CAPN10: variants seen among roughly 807,000 people sequenced by gnomAD.
The protein encoded by CAPN10 is calpain 10.
A neutral mutation model predicts 78.4 loss-of-function variants in CAPN10; 71 were observed. That is an observed-to-expected ratio of 0.91 (90% confidence interval 0.75 to 1.10). The LOEUF (loss-of-function observed/expected upper bound fraction) is 1.10, where lower values mean the gene tolerates loss of function less well. CAPN10 is among the 50% of genes least tolerant of loss of function. The pLI is 0.00. For synonymous variants in CAPN10, 437 were observed against 407.2 expected, an observed-to-expected ratio of 1.07 and a Z score of -0.88; for missense variants, 849 against 924.6, an observed-to-expected ratio of 0.92 and a Z score of 1.06.
intron 10 of CAPN10, 90 bp from the exon 11 acceptor site, chr2:240,598,262 A>AG (rs1008354051): frequency 2.0e-6 from 3 of 1,503,836 alleles, no homozygotes; most frequent in Non-Finnish European, 2.8e-6. Flanking sequence ...TGAGCCTGGA[A>AG]GGAGAGTCTA....
Position 240,599,027 on chromosome 2 carries a change from C to G in CAPN10, c.*347C>G. ...ACACCCAGAGGGTAGGGCAGCAGAT[C>G]TTCTTTATAACTATTTATTGTTCGA... On this transcript the variant is annotated 3_prime_UTR_variant, in exon 12 of 12. Coordinates refer to ENST00000391984, the MANE Select transcript of CAPN10 (RefSeq NM_023083.4). 1 of 414,962 alleles carries G rather than the reference C, an allele frequency of 2.4e-6. No individual in the cohort carries two copies. 25.7% of individuals were successfully genotyped at this position (414,962 alleles called of 1,614,324 possible). A position where few individuals can be genotyped will look rare whatever the true frequency, so the allele number is the denominator to read the frequency against.
At position 240,589,490 on chromosome 2, in the gene CAPN10, C is replaced by T. The variant is rs758637318; in HGVS notation, c.273+16C>T. The T allele has an allele frequency of 1.2e-6, 2 of 1,603,362 alleles. No homozygotes were observed. Among genetic ancestry groups the T allele is most frequent in the Non-Finnish European group, 1.7e-6 (2 of 1,175,686 alleles). On this transcript the variant is annotated intron_variant, in intron 2 of 11. Coordinates refer to ENST00000391984, the MANE Select transcript of CAPN10 (RefSeq NM_023083.4). ...CCTGGACCAGGTGCGGGGCCCCTTC[C>T]CTGTGTTTGTCCTGGAGCCGGTTTC...
At position 240,594,719 on chromosome 2, in the gene CAPN10, C is replaced by T. The variant is rs766360520; in HGVS notation, c.997+10C>T. The T allele has an allele frequency of 5.0e-6, 8 of 1,609,308 alleles. No individual in the cohort carries two copies. The highest frequency in any genetic ancestry group is 2.2e-5 in the East Asian group (1 of 44,810). On this transcript the variant is annotated intron_variant, in intron 6 of 11. Coordinates refer to ENST00000391984, the MANE Select transcript of CAPN10 (RefSeq NM_023083.4). ...CAGAGCCTCTACACAGGTAGTGCCC[C>T]GAGGGGCTGTGCTGGGCACGTGCTC...
intron 4 of CAPN10, chr2:240,592,489 C>A (rs1456085781): frequency 1.8e-6 from 1 of 543,106 alleles, no homozygotes; most frequent in Non-Finnish European, 3.6e-6. Flanking sequence ...TGATAGATAA[C>A]ATTCGTTAAA....
Position 240,591,974 on chromosome 2 carries a change from C to T in CAPN10, c.512C>T (p.Ala171Val), listed in dbSNP as rs1180541746. ...GAGCACCTGTGGGCCGGGCAGGTGG[C>T]GGATGCCCTGGTGGACCTGACCGGC... Reference protein sequence around the residue: ...SYEHLWAGQVADALVDLTGGL... With the variant: ...SYEHLWAGQVVDALVDLTGGL... The change falls in exon 4 of 12, where the codon GCG becomes GTG. Residue 171 changes from alanine (A) to valine (V), a missense_variant. Coordinates refer to ENST00000391984, the MANE Select transcript of CAPN10 (RefSeq NM_023083.4). The T allele has an allele frequency of 4.3e-6, 7 of 1,613,416 alleles. No homozygotes were observed. Among genetic ancestry groups the T allele is most frequent in the Middle Eastern group, 1.6e-4 (1 of 6,082 alleles).
At chr2:240,595,733 C>T (rs1374496663) in intron 7 of CAPN10, among the ~76,000 whole-genome samples, 2 of 152,266 alleles carry the variant, frequency 1.3e-5, no homozygotes, top group Non-Finnish European at 2.9e-5. Flanking sequence ...GTCTCTTCCC[C>T]TGCAAGACGG....
chr2:240,594,959 C>A (rs2093127121), intron 6 of CAPN10, 65 bp from the exon 7 acceptor site: 2 of 1,552,710 alleles, frequency 1.3e-6, no homozygotes, highest in Non-Finnish European at 1.8e-6. Context: ...GTTCATGAGG[C>A]CACCATGGCG....
intron 1 of CAPN10, among the ~76,000 whole-genome samples, chr2:240,588,418 G>T (rs773515456): frequency 2.0e-5 from 3 of 152,212 alleles, no homozygotes; most frequent in Admixed American, 6.5e-5. Flanking sequence ...TCAGGCAGGT[G>T]CCCTGACAGA....
Position 240,594,135 on chromosome 2 carries a change from G to A in CAPN10, c.830+88G>A, listed in dbSNP as rs2093120632. 4 of 1,384,992 alleles carry A rather than the reference G, an allele frequency of 2.9e-6. No individual in the cohort carries two copies. In the South Asian group the frequency reaches 4.4e-5, roughly 15 times the overall value. The allele number at this position is 1,384,992 out of a possible 1,614,324, so 85.8% of individuals were successfully genotyped here. ...TGTCCTGGTCACCTTCAGCTGTCAG[G>A]ACTGTACTTGGCTGTCTCCAGCAAG... On this transcript the variant is annotated intron_variant, in intron 5 of 11. Coordinates refer to ENST00000391984, the MANE Select transcript of CAPN10 (RefSeq NM_023083.4).
Position 240,596,888 on chromosome 2 carries a change from G to A in CAPN10, c.1689G>A (p.Gln563=). The change falls in exon 9 of 12, where the codon CAG becomes CAA. Residue 563 remains glutamine (Q), a synonymous_variant. Transcript: ENST00000391984. ...GPRCVRITLH[Q]HCRPSDTEFH... is the part of the protein sequence containing the mutation. ...GCTGCGTCCGCATCACTCTGCATCA[G>A]CACTGCCGGCCCAGTGACACCGAGT... 1 of 1,613,550 alleles carries A rather than the reference G, an allele frequency of 6.2e-7. No homozygotes were observed. Among genetic ancestry groups the A allele is most frequent in the Non-Finnish European group, 8.5e-7 (1 of 1,180,016 alleles).
chr2:240,596,604 T>A, intron 8 of CAPN10, 77 bp from the exon 9 acceptor site: 2 of 1,535,476 alleles, frequency 1.3e-6, no homozygotes, highest in Non-Finnish European at 1.8e-6. Context: ...CCCTCTGTGG[T>A]TGGCAGGTGT....
At chr2:240,594,836 C>T in intron 6 of CAPN10, 127 bp downstream of exon 6, 1 of 1,254,820 alleles carries the variant, frequency 8.0e-7, no homozygotes, top group South Asian at 1.4e-5. Context: ...ATGATTCTGT[C>T]CCAGGAGCCG....
intron 7 of CAPN10, chr2:240,595,915 A>G (rs947403049): frequency 7.6e-7 from 1 of 1,323,386 alleles, no homozygotes. Flanking sequence ...CTGGGTTTTC[A>G]TCTTGTGTGT....
Position 240,598,836 on chromosome 2 carries a change from G to C in CAPN10, c.*156G>C. The C allele has an allele frequency of 1.4e-6, 1 of 695,582 alleles. No individual in the cohort carries two copies. The highest frequency in any genetic ancestry group is 1.7e-5 in the South Asian group (1 of 57,592). The allele number at this position is 695,582 out of a possible 1,614,324, so 43.1% of individuals were successfully genotyped here. ...GAGGCTGCGGCCTAGGGGTCCACGG[G>C]AAGCCTCCGTCAGGAGAGACGCAGC... is the stretch of plus-strand genomic sequence containing the variant. On this transcript the variant is annotated 3_prime_UTR_variant, in exon 12 of 12. Coordinates refer to ENST00000391984, the MANE Select transcript of CAPN10 (RefSeq NM_023083.4).
chr2:240,589,623 C>T, intron 2 of CAPN10, 149 bp downstream of exon 2: 1 of 1,043,532 alleles, frequency 9.6e-7, no homozygotes, highest in Non-Finnish European at 1.4e-6. Context: ...AGTTCCAAGG[C>T]AGAGGCTGAG....
At chr2:240,589,566 A>G in intron 2 of CAPN10, 92 bp downstream of exon 2, 2 of 1,466,698 alleles carry the variant, frequency 1.4e-6, no homozygotes, top group Non-Finnish European at 1.8e-6. Flanking sequence ...GCGAAAGCAG[A>G]GCTGTGCCGC....
Position 240,598,673 on chromosome 2 carries a change from A to G in CAPN10, c.2012A>G (p.Lys671Arg). ...CAGGTCTCCATCATGGCAGTGATGA[A>G]AACCTAACAGGGTGGCCCCCTGTGC... is the stretch of plus-strand genomic sequence containing the variant. ...LQEVSIMAVMKT is the reference protein window; with the variant it reads ...LQEVSIMAVMRT Residue 671 changes from lysine to arginine, a missense_variant, in exon 12 of 12, where the codon AAA becomes AGA. Transcript: ENST00000391984. 6.3e-7 allele frequency: 1 copy of G among 1,577,340 alleles called. No individual in the cohort carries two copies. The highest frequency in any genetic ancestry group is 1.2e-5 in the South Asian group (1 of 85,926).
In CAPN10 at chr2:240,587,192, G is replaced by A. The variant is rs574235567; in HGVS notation, c.141+140G>A. 22 of 420,972 alleles carry A rather than the reference G, an allele frequency of 5.2e-5. No homozygotes were observed. The East Asian group carries it at 7.9e-4, about 15-fold the overall frequency. The allele number at this position is 420,972 out of a possible 1,614,324, so 26.1% of individuals were successfully genotyped here. ...TGTTCTCCTCAGAAGTGGGCGCCCG[G>A]CCCCCTCTTTTCGTACCTCCTTCAT... On this transcript the variant is annotated intron_variant, in intron 1 of 11. Transcript: ENST00000391984.
chr2:240,589,727 C>T (rs941280000), intron 2 of CAPN10: 1 of 462,482 alleles, frequency 2.2e-6, no homozygotes, highest in South Asian at 3.4e-5. Flanking sequence ...GCTCTCCTGA[C>T]CCCCGGACTC....
Sources: gnomAD v4.1 joint callset for allele counts (sites outside exome capture counted in the v4.1 genomes callset) on GRCh38, gnomAD v4.1.1 for gene constraint, MANE v1.5 for transcripts, NCBI Gene and HGNC (gene_info 2026-07-23, HGNC 2026-07-21) for gene names.